Variants in DGKQ observed in about 807,000 individuals in gnomAD.
The protein encoded by DGKQ is DAG kinase theta.
Under a neutral mutation model 104.2 loss-of-function variants are expected in DGKQ, and 97 were observed. That is an observed-to-expected ratio of 0.93 (90% CI 0.79 to 1.10). The LOEUF (loss-of-function observed/expected upper bound fraction) is 1.10. Ranked by LOEUF, DGKQ falls within the 50% of genes least tolerant of loss-of-function variation. The pLI, the probability that DGKQ is intolerant of heterozygous loss-of-function variation, is 0.00. For missense variants in DGKQ, 1,465 were observed against 1,352.1 expected (o/e 1.08, Z -1.31); for synonymous variants, 736 against 595.2 (o/e 1.24, Z -3.44).
intron 22 of DGKQ, 163 bp from the exon 23 acceptor site, chr4:960,884 C>T (rs1050855834): frequency 5.1e-6 from 5 of 985,184 alleles, no homozygotes; most frequent in African/African-American, 1.7e-5. Context: ...ACCTGTGGCC[C>T]GCCTGGCCAC....
chr4:965,097 GCCTGTGCA>G (rs1712197965), intron 15 of DGKQ, 71 bp downstream of exon 15: 3 of 1,094,022 alleles, frequency 2.7e-6, no homozygotes, highest in Non-Finnish European at 4.1e-6. Context: ...TGGCTGTGGG[GCCTGTGCA>G]CCTGCAGACC....
At chr4:972,844 G>A (rs150499089) in intron 1 of DGKQ, among the ~76,000 whole-genome samples, 12 of 152,218 alleles carry the variant, frequency 7.9e-5, no homozygotes, top group African/African-American at 2.9e-4. Flanking sequence ...CACAGCATGA[G>A]AAGGGCTAGG....
At position 967,859 on chromosome 4, in the gene DGKQ, CCCGGCCGGCCCGCA is replaced by C; in HGVS notation, c.811+7_811+20del. 6.8e-7 allele frequency: 1 copy of C among 1,476,946 alleles called. No individual in the cohort carries two copies. The highest frequency in any genetic ancestry group is 8.9e-7 in the Non-Finnish European group (1 of 1,117,758). 91.5% of individuals were successfully genotyped at this position (1,476,946 alleles called of 1,614,324 possible). A position where few individuals can be genotyped will look rare whatever the true frequency, so the allele number is the denominator to read the frequency against. On this transcript the variant is annotated splice_region_variant and intron_variant, in intron 6 of 22. Transcript: ENST00000273814. ...GTGCGCAGCCCCCAGCCCAGGGCGC[CCCGGCCGGCCCGCA>C]CCTCACCCGGCTCCGCGGCCTCCAC...
rs569743507 is a variant in DGKQ, at chr4:967,929, G to A, written c.762C>T (p.Gly254=). 7 of 1,471,266 alleles carry A rather than the reference G, an allele frequency of 4.8e-6. No individual in the cohort carries two copies. In the African/African-American group the frequency reaches 5.8e-5, roughly 12 times the overall value. The allele number at this position is 1,471,266 out of a possible 1,614,324, so 91.1% of individuals were successfully genotyped here. Residue 254 remains glycine (G), a synonymous_variant, in exon 6 of 23, where the codon GGC becomes GGT. Transcript: ENST00000273814. The stretch of plus-strand genomic sequence containing the variant: ...GGAAGCTCTGCGTCTTGCTGAAGCC[G>A]CCGGGCAGAAGGCGCACGCACGCGG... ...LPPACVRLLP[G]GFSKTQSFRI...
chr4:964,003 T>C (rs1712095594), intron 15 of DGKQ: 1 of 154,506 alleles, frequency 6.5e-6, no homozygotes, highest in South Asian at 2.0e-4. Flanking sequence ...CGGCCGTGGC[T>C]GGGGGCAAGG....
chr4:967,392 TGTGGGGGGTCAGGCGGGGTTCA>T (rs1227038422), intron 8 of DGKQ, 31 bp from the exon 9 acceptor site: 56 of 909,362 alleles, frequency 6.2e-5, no homozygotes, highest in Non-Finnish European at 8.1e-5. Flanking sequence ...GGGGCCAAGT[TGTGGGGGGTCAGGCGGGGTTCA>T]GTGGGGGGCA....
intron 13 of DGKQ, 131 bp downstream of exon 13, chr4:965,797 T>G (rs1276199856): frequency 5.5e-6 from 6 of 1,089,222 alleles, no homozygotes; most frequent in Non-Finnish European, 7.7e-6. Flanking sequence ...GGAAGAGACG[T>G]GGGCTGGACC....
At chr4:963,680 G>A (rs1370487337) in intron 15 of DGKQ, among the ~76,000 whole-genome samples, 1 of 152,240 alleles carries the variant, frequency 6.6e-6, no homozygotes, top group Non-Finnish European at 1.5e-5. Flanking sequence ...TCCCCTGGGG[G>A]GCCTCTGGTG....
chr4:970,358 C>G (rs560325281), intron 2 of DGKQ, among the ~76,000 whole-genome samples: 9 of 152,338 alleles, frequency 5.9e-5, no homozygotes, highest in African/African-American at 1.9e-4. Flanking sequence ...AAGCCTGGCC[C>G]TTCCTACATG....
intron 14 of DGKQ, 67 bp from the exon 15 acceptor site, chr4:965,358 C>T: frequency 6.4e-7 from 1 of 1,572,900 alleles, no homozygotes; most frequent in Non-Finnish European, 8.7e-7. Flanking sequence ...GGGCAGGAAC[C>T]AAACCAGGAC....
chr4:964,003 TG>T, intron 15 of DGKQ: 1 of 154,624 alleles, frequency 6.5e-6, no homozygotes, highest in Non-Finnish European at 1.5e-5. Context: ...CGGCCGTGGC[TG>T]GGGGCAAGGA....
In DGKQ at chr4:966,765, G is replaced by A. The variant is rs181344693; in HGVS notation, c.1349C>T (p.Ala450Val). The change falls in exon 11 of 23, where the codon GCG becomes GTG. Residue 450 changes from alanine to valine, a missense_variant. Coordinates refer to ENST00000273814, the MANE Select transcript of DGKQ (RefSeq NM_001347.4). ...SPESFQLVEVAMGCRHVQRTM... is the reference protein window; with the variant it reads ...SPESFQLVEVVMGCRHVQRTM... ...CTACTCACCGTGCCTGCAGCCCATC[G>A]CCACCTCCACCAGCTGGAAGCTCTC... 2.3e-4 allele frequency: 370 copies of A among 1,609,334 alleles called. 1 individual carries two copies. In the East Asian group the frequency reaches 3.8e-3, roughly 16 times the overall value.
Position 968,900 on chromosome 4 carries a change from G to A in DGKQ, c.362C>T (p.Ala121Val), listed in dbSNP as rs775060623. 6.3e-7 allele frequency: 1 copy of A among 1,591,648 alleles called. No homozygotes were observed. ...VAPSLVRVPVAHCFGPRGLHK... is the reference protein window; with the variant it reads ...VAPSLVRVPVVHCFGPRGLHK... The stretch of plus-strand genomic sequence containing the variant: ...GAGCCCCCGGGGGCCGAAGCAGTGG[G>A]CTACAGGAACCTGGTGGGGCAGCCT... Residue 121 changes from alanine (A) to valine (V), a missense_variant, in exon 3 of 23, where the codon GCC (alanine) becomes GTC (valine). Ala to Val is a moderately conservative substitution (Grantham distance 64). Transcript: ENST00000273814.
At chr4:965,367 A>G in intron 14 of DGKQ, 76 bp from the exon 15 acceptor site, 1 of 1,562,770 alleles carries the variant, frequency 6.4e-7, no homozygotes, top group East Asian at 2.3e-5. Context: ...CCAAACCAGG[A>G]CGTTTCCCCA....
At chr4:964,798 C>T (rs1036172395) in intron 15 of DGKQ, among the ~76,000 whole-genome samples, 7 of 152,218 alleles carry the variant, frequency 4.6e-5, no homozygotes, top group East Asian at 1.9e-4. Context: ...TGGCCCTTGG[C>T]GAGGCAGCCG....
Position 967,279 on chromosome 4 carries a change from C to T in DGKQ, c.1070G>A (p.Cys357Tyr). 6.5e-7 allele frequency: 1 copy of T among 1,549,406 alleles called. No individual in the cohort carries two copies. Among genetic ancestry groups the T allele is most frequent in the Non-Finnish European group, 8.7e-7 (1 of 1,151,900 alleles). The change falls in exon 9 of 23, where the codon TGT becomes TAT. Residue 357 changes from cysteine (C) to tyrosine (Y), a missense_variant. Coordinates refer to ENST00000273814, the MANE Select transcript of DGKQ (RefSeq NM_001347.4). ...LCRLPPSSQA[C>Y]DAWAGGKAGS... ...AGCCTTGCCCCCAGCCCAGGCGTCA[C>T]AGGCCTGAGAGGAAGGGGGCAGCCG... is the stretch of plus-strand genomic sequence containing the variant.
At position 961,083 on chromosome 4, in the gene DGKQ, G is replaced by C. The variant is rs774849818; in HGVS notation, c.2693C>G (p.Pro898Arg). 1 of 1,612,108 alleles carries C rather than the reference G, an allele frequency of 6.2e-7. No individual in the cohort carries two copies. The highest frequency in any genetic ancestry group is 1.3e-5 in the African/African-American group (1 of 74,902). ...AGCAGCTGAGATGATCATGTGCCCC[G>C]GGGCCTGGACCCAGGGCTCCCCGTC... ...QVDGEPWVQA[P>R]GHMIISAAGP... is the part of the protein sequence containing the mutation. Residue 898 changes from proline to arginine, a missense_variant, in exon 22 of 23, where the codon CCG becomes CGG. By Grantham distance (103) the Pro-to-Arg change is moderately radical. Coordinates refer to ENST00000273814, the MANE Select transcript of DGKQ (RefSeq NM_001347.4).
In DGKQ at chr4:967,211, C is replaced by G. The variant is rs750906262; in HGVS notation, c.1138G>C (p.Gly380Arg). 5 of 1,585,826 alleles carry G rather than the reference C, an allele frequency of 3.2e-6. No homozygotes were observed. Among genetic ancestry groups the G allele is most frequent in the Non-Finnish European group, 4.3e-6 (5 of 1,167,348 alleles). ...ACCCAGGCCTCTGGCGTGGCCTCGC[C>G]GGACCCGGGGCTTCTGCCCTCCTCC... The part of the protein sequence containing the change: ...ISEEGRSPGS[G>R]EATPEAWVIR... The change falls in exon 9 of 23, where the codon GGC (glycine) becomes CGC (arginine). Residue 380 changes from glycine to arginine, a missense_variant. Coordinates refer to ENST00000273814, the MANE Select transcript of DGKQ (RefSeq NM_001347.4).
At chr4:964,728 G>A (rs1423843590) in intron 15 of DGKQ, among the ~76,000 whole-genome samples, 5 of 152,316 alleles carry the variant, frequency 3.3e-5, no homozygotes, top group Admixed American at 6.5e-5. Flanking sequence ...GGGGAGTGAG[G>A]CTGAGGCTGT....
Sources: gnomAD v4.1 joint callset for allele counts (sites outside exome capture counted in the v4.1 genomes callset) on GRCh38, gnomAD v4.1.1 for gene constraint, MANE v1.5 for transcripts, NCBI Gene and HGNC (gene_info 2026-07-23, HGNC 2026-07-21) for gene names.